Variants in GABBR2 observed in about 807,000 individuals in gnomAD.
GABBR2 encodes G-protein coupled receptor 51.
In GABBR2, 23 loss-of-function variants were observed where a neutral mutation model predicts 105.6. That is an observed-to-expected ratio of 0.22 (90% CI 0.16 to 0.31). The LOEUF (loss-of-function observed/expected upper bound fraction) is 0.31. Ranked by LOEUF, GABBR2 falls within the 10% of genes least tolerant of loss-of-function variation. The pLI, the probability that GABBR2 is intolerant of heterozygous loss-of-function variation, is 1.00. For missense variants in GABBR2, 734 were observed against 1,245.5 expected, an observed-to-expected ratio of 0.59 and a Z score of 6.18; for synonymous variants, 478 against 499.7, an observed-to-expected ratio of 0.96 and a Z score of 0.58.
intron 7 of GABBR2, among the ~76,000 whole-genome samples, chr9:98,407,736 CTCTT>C (rs1473722023): frequency 1.3e-5 from 2 of 152,132 alleles, no homozygotes; most frequent in Non-Finnish European, 1.5e-5. Context: ...ATTCTGCAGA[CTCTT>C]TATTAGTGAA....
chr9:98,599,853 G>C (rs1829299400), intron 1 of GABBR2, among the ~76,000 whole-genome samples: 1 of 152,202 alleles, frequency 6.6e-6, no homozygotes, highest in African/African-American at 2.4e-5. Flanking sequence ...GGGAGAGATG[G>C]GGGTGGGTAC....
chr9:98,310,453 G>A (rs1400596263), intron 14 of GABBR2, among the ~76,000 whole-genome samples: 1 of 152,042 alleles, frequency 6.6e-6, no homozygotes, highest in African/African-American at 2.4e-5. Flanking sequence ...TTGCCACGTT[G>A]GTCAGGCTGG....
At chr9:98,534,249 TGA>T (rs1308511716) in intron 3 of GABBR2, among the ~76,000 whole-genome samples, 2 of 152,182 alleles carry the variant, frequency 1.3e-5, no homozygotes, top group African/African-American at 4.8e-5. Flanking sequence ...GCCTGCCACT[TGA>T]GAGAGGTCGC....
intron 2 of GABBR2, among the ~76,000 whole-genome samples, chr9:98,544,497 T>C (rs1367451160): frequency 6.6e-6 from 1 of 152,220 alleles, no homozygotes; most frequent in Non-Finnish European, 1.5e-5. Flanking sequence ...AGAATGACTT[T>C]TGTCAGTGTT....
chr9:98,525,011 A>T (rs984741965), intron 3 of GABBR2, among the ~76,000 whole-genome samples: 1 of 152,216 alleles, frequency 6.6e-6, no homozygotes, highest in African/African-American at 2.4e-5. Context: ...TATAAAAGTT[A>T]ACTCAAAAGA....
intron 8 of GABBR2, among the ~76,000 whole-genome samples, chr9:98,403,727 AT>A (rs1426591696): frequency 6.7e-6 from 1 of 149,612 alleles, no homozygotes; most frequent in African/African-American, 2.5e-5. Context: ...GCTAATCATA[AT>A]TGCTACTTAC....
chr9:98,292,502 C>T (rs1830317366), intron 18 of GABBR2, among the ~76,000 whole-genome samples: 1 of 152,174 alleles, frequency 6.6e-6, no homozygotes, highest in African/African-American at 2.4e-5. Context: ...AGACGAAGTG[C>T]TGCCCACACT....
chr9:98,297,308 A>G (rs1830397004), intron 17 of GABBR2, among the ~76,000 whole-genome samples: 1 of 152,200 alleles, frequency 6.6e-6, no homozygotes, highest in African/African-American at 2.4e-5. Context: ...ACCACTTACT[A>G]CTTATATAAT....
intron 13 of GABBR2, among the ~76,000 whole-genome samples, chr9:98,355,256 A>G (rs1485629959): frequency 6.6e-6 from 1 of 152,216 alleles, no homozygotes; most frequent in African/African-American, 2.4e-5. Context: ...TGATAATAAA[A>G]AGATTGAAAT....
intron 1 of GABBR2, among the ~76,000 whole-genome samples, chr9:98,589,935 G>C (rs57185876): frequency 0.08 from 12,134 of 152,044 alleles, 1,280 homozygotes; most frequent in African/African-American, 0.25. Flanking sequence ...AACTGGTCTT[G>C]AACTCCTGGA....
chr9:98,595,114 C>A (rs1009699094), intron 1 of GABBR2, among the ~76,000 whole-genome samples: 1 of 152,110 alleles, frequency 6.6e-6, no homozygotes, highest in Non-Finnish European at 1.5e-5. Flanking sequence ...TATTTCCCAC[C>A]GTTCTGGAGG....
At chr9:98,334,566 C>T (rs896882856) in intron 13 of GABBR2, among the ~76,000 whole-genome samples, 1 of 143,854 alleles carries the variant, frequency 7.0e-6, no homozygotes, top group South Asian at 2.2e-4. Flanking sequence ...TATTATAGTA[C>T]GTGTTTGCTT....
chr9:98,305,014 C>A (rs1385191003), intron 15 of GABBR2, among the ~76,000 whole-genome samples: 1 of 138,244 alleles, frequency 7.2e-6, no homozygotes, highest in Non-Finnish European at 1.6e-5. Context: ...CTCAAGTGAT[C>A]CTCCTTCCTT....
chr9:98,427,122 G>C (rs930397145), intron 7 of GABBR2, among the ~76,000 whole-genome samples: 1 of 152,236 alleles, frequency 6.6e-6, no homozygotes, highest in Non-Finnish European at 1.5e-5. Flanking sequence ...TCTTCTAGCG[G>C]CAGAAACCAG....
intron 7 of GABBR2, among the ~76,000 whole-genome samples, chr9:98,453,357 T>C (rs1020510306): frequency 1.3e-5 from 2 of 152,234 alleles, no homozygotes; most frequent in African/African-American, 4.8e-5. Flanking sequence ...TCTTTTCTTT[T>C]TTTCAGAACA....
chr9:98,670,432 C>A lies in GABBR2; in HGVS notation c.321+37985G>T, dbSNP rs934559786. On this transcript the variant is annotated intron_variant, in intron 1 of 18. Transcript: ENST00000259455. ...ACAGATGCTATGGAAAACAATATGGCGGTTCCCCCCTAAAAATTATCATAT... is the reference window on the plus strand; with the variant it reads ...ACAGATGCTATGGAAAACAATATGGAGGTTCCCCCCTAAAAATTATCATAT... Among the ~76,000 whole-genome samples the A allele has an allele frequency of 1.3e-5, 2 of 152,152 alleles. 1 individual carries two copies. The highest frequency in any genetic ancestry group is 1.3e-4 in the Admixed American group (2 of 15,266).
At chr9:98,661,834 T>C (rs1210757231) in intron 1 of GABBR2, among the ~76,000 whole-genome samples, 1 of 152,152 alleles carries the variant, frequency 6.6e-6, no homozygotes, top group Non-Finnish European at 1.5e-5. Flanking sequence ...TGAAGGGAGC[T>C]GTTCTGGTCT....
At chr9:98,303,967 T>C (rs1830510730) in intron 15 of GABBR2, among the ~76,000 whole-genome samples, 1 of 152,202 alleles carries the variant, frequency 6.6e-6, no homozygotes, top group Non-Finnish European at 1.5e-5. Context: ...CTTAGCTACA[T>C]CCAAAACATT....
At chr9:98,607,278 G>A (rs1829439994) in intron 1 of GABBR2, 18 of 990,584 alleles carry the variant, frequency 1.8e-5, no homozygotes, top group South Asian at 1.1e-4. Context: ...GCATGTGAAC[G>A]GACGTCAGAT....
Sources: allele counts gnomAD v4.1 joint callset (sites outside exome capture counted in the v4.1 genomes callset), GRCh38; gene constraint gnomAD v4.1.1; transcripts MANE v1.5; gene names NCBI Gene and HGNC (gene_info 2026-07-23, HGNC 2026-07-21).